Variants in FHOD3 observed in about 807,000 individuals in gnomAD.
FHOD3 encodes FH1/FH2 domain-containing protein 3.
Under a neutral mutation model 173.0 loss-of-function variants are expected in FHOD3, and 90 were observed. The ratio of observed to expected loss-of-function variants is 0.52; its 90% CI spans 0.44 to 0.62. FHOD3 has a LOEUF of 0.62. FHOD3 is among the 20% of genes least tolerant of loss of function. The pLI is 0.00. For missense variants in FHOD3, 1,945 were observed against 2,034.7 expected, an observed-to-expected ratio of 0.96 and a Z score of 0.85; for synonymous variants, 828 against 823.0, an observed-to-expected ratio of 1.01 and a Z score of -0.10.
At chr18:36,312,104 A>G (rs1394909059) in intron 1 of FHOD3, among the ~76,000 whole-genome samples, 1 of 152,122 alleles carries the variant, frequency 6.6e-6, no homozygotes, top group Non-Finnish European at 1.5e-5. Flanking sequence ...TACTCTTGCT[A>G]AGGTACTTGT....
chr18:36,701,544 CCTGT>C (rs1259342101), intron 17 of FHOD3, among the ~76,000 whole-genome samples: 6 of 152,180 alleles, frequency 3.9e-5, no homozygotes, highest in Non-Finnish European at 5.9e-5. Context: ...CGCTTTTAAT[CCTGT>C]CTAACATTCA....
At chr18:36,581,409 C>A (rs1036999244) in intron 6 of FHOD3, among the ~76,000 whole-genome samples, 1 of 152,232 alleles carries the variant, frequency 6.6e-6, no homozygotes, top group African/African-American at 2.4e-5. Context: ...CTGAGCCTGG[C>A]AAACTCTCAC....
At chr18:36,454,847 A>T (rs776305679) in intron 3 of FHOD3, among the ~76,000 whole-genome samples, 6 of 152,044 alleles carry the variant, frequency 3.9e-5, no homozygotes, top group Non-Finnish European at 7.4e-5. Flanking sequence ...TTCAGCTGCC[A>T]CCTACACCCA....
At chr18:36,480,062 C>A (rs184134930) in intron 3 of FHOD3, among the ~76,000 whole-genome samples, 2 of 152,334 alleles carry the variant, frequency 1.3e-5, no homozygotes, top group African/African-American at 4.8e-5. Flanking sequence ...CAAATTAATT[C>A]TGCAAACTGG....
At chr18:36,451,763 C>T (rs1599172646) in intron 3 of FHOD3, among the ~76,000 whole-genome samples, 2 of 152,182 alleles carry the variant, frequency 1.3e-5, no homozygotes, top group East Asian at 3.9e-4. Context: ...AGCAGGACCT[C>T]TCAAGCTTAC....
chr18:36,572,645 C>T (rs1177808785), intron 5 of FHOD3, among the ~76,000 whole-genome samples: 1 of 152,186 alleles, frequency 6.6e-6, no homozygotes, highest in Non-Finnish European at 1.5e-5. Context: ...ATCAAGTCAG[C>T]TTTTAAACCT....
intron 9 of FHOD3, among the ~76,000 whole-genome samples, chr18:36,613,923 T>C (rs1217158955): frequency 6.6e-6 from 1 of 152,174 alleles, no homozygotes; most frequent in African/African-American, 2.4e-5. Context: ...TCCACTTGCC[T>C]CAGCCTCCCA....
intron 11 of FHOD3, among the ~76,000 whole-genome samples, chr18:36,649,758 T>C (rs2035929189): frequency 6.6e-6 from 1 of 152,190 alleles, no homozygotes; most frequent in Non-Finnish European, 1.5e-5. Flanking sequence ...CCTTTCAGCA[T>C]TGCAGTAAGA....
chr18:36,425,022 G>C (rs919505272), intron 3 of FHOD3, among the ~76,000 whole-genome samples: 6 of 152,146 alleles, frequency 3.9e-5, no homozygotes, highest in African/African-American at 1.2e-4. Context: ...ATAAGCCAAA[G>C]AGAAGCCATA....
intron 5 of FHOD3, among the ~76,000 whole-genome samples, chr18:36,567,280 A>C (rs953072894): frequency 2.6e-5 from 4 of 152,228 alleles, no homozygotes; most frequent in African/African-American, 9.6e-5. Context: ...AGAAAAGGGA[A>C]GTAAAGAAGG....
intron 5 of FHOD3, among the ~76,000 whole-genome samples, chr18:36,523,969 C>A (rs2146648991): frequency 6.6e-6 from 1 of 152,232 alleles, no homozygotes; most frequent in South Asian, 2.1e-4. Context: ...CAATGGTGAA[C>A]TATCTTTAGT....
chr18:36,726,863 C>T (rs1368970679), intron 19 of FHOD3, among the ~76,000 whole-genome samples: 5 of 152,190 alleles, frequency 3.3e-5, no homozygotes, highest in South Asian at 4.1e-4. Flanking sequence ...TTAGTAGAGA[C>T]GGGGTTTCAC....
At chr18:36,379,063 C>A (rs929193006) in intron 3 of FHOD3, among the ~76,000 whole-genome samples, 2 of 152,122 alleles carry the variant, frequency 1.3e-5, no homozygotes, top group Non-Finnish European at 2.9e-5. Context: ...TGATATATAA[C>A]TCGGGATTGA....
At chr18:36,439,143 G>T (rs760069973) in intron 3 of FHOD3, among the ~76,000 whole-genome samples, 1 of 152,142 alleles carries the variant, frequency 6.6e-6, no homozygotes, top group African/African-American at 2.4e-5. Flanking sequence ...TATGAAAAAG[G>T]CCCTTGATTT....
rs1293753140 is a variant in FHOD3 at position 36,658,120 on chromosome 18, A to T, written c.1767A>T (p.Ser589=). 1.2e-6 allele frequency: 2 copies of T among 1,601,626 alleles called. No homozygotes were observed. Among genetic ancestry groups the T allele is most frequent in the Non-Finnish European group, 1.7e-6 (2 of 1,175,060 alleles). The change falls in exon 14 of 29, where the codon TCA becomes TCT. Residue 589 remains serine, a synonymous_variant. Transcript: ENST00000590592. ...GNNSYHSSRP[S]SGSSVPTTPT... is the part of the protein sequence containing the mutation. ...ACTCTTATCACTCCTCAAGACCCTC[A>T]TCTGGATCCAGTGTGCCCACCACCC...
chr18:36,577,866 C>G (rs377267283), intron 6 of FHOD3, among the ~76,000 whole-genome samples: 4 of 152,302 alleles, frequency 2.6e-5, no homozygotes, highest in African/African-American at 9.6e-5. Context: ...ATAGTCTTCT[C>G]TGGTTTCTGC....
At position 36,447,832 on chromosome 18, in the gene FHOD3, A is replaced by G. The variant is rs368489059; in HGVS notation, c.338-54100A>G. On this transcript the variant is annotated intron_variant, in intron 3 of 28. Transcript: ENST00000590592. ...ACCTGGAAAAGGGCTGTTAAGGTAA[A>G]TAAAAGCAGGTTTCAAAATTGCCTT... Among the ~76,000 whole-genome samples, 9 of 152,332 alleles carry G rather than the reference A, an allele frequency of 5.9e-5. No individual in the cohort carries two copies. In the East Asian group the frequency reaches 1.7e-3, roughly 29 times the overall value.
chr18:36,460,678 C>T (rs2052497745), intron 3 of FHOD3, among the ~76,000 whole-genome samples: 1 of 152,176 alleles, frequency 6.6e-6, no homozygotes, highest in African/African-American at 2.4e-5. Flanking sequence ...GCCATGGGGT[C>T]ACTCAGTTGT....
intron 17 of FHOD3, among the ~76,000 whole-genome samples, chr18:36,699,065 T>G (rs953152739): frequency 3.3e-5 from 5 of 152,204 alleles, no homozygotes; most frequent in African/African-American, 9.6e-5. Flanking sequence ...GACCCTGTCT[T>G]CTAAGGCTCC....
Sources: gnomAD v4.1 joint callset for allele counts (sites outside exome capture counted in the v4.1 genomes callset) on GRCh38, gnomAD v4.1.1 for gene constraint, MANE v1.5 for transcripts, NCBI Gene and HGNC (gene_info 2026-07-23, HGNC 2026-07-21) for gene names.